The following RNF24 variants were observed in gnomAD, a reference collection of about 807,000 sequenced individuals.
RNF24 encodes ring finger protein 24.
Under a neutral mutation model 20.0 loss-of-function variants are expected in RNF24, and 14 were observed. That is an observed-to-expected ratio of 0.70 (90% CI 0.46 to 1.10). The LOEUF (loss-of-function observed/expected upper bound fraction) is 1.10, where lower values mean the gene tolerates loss of function less well. Ranked by LOEUF, RNF24 falls within the 50% of genes least tolerant of loss-of-function variation. RNF24 has a pLI of 0.00. For synonymous variants in RNF24, 45 were observed against 61.1 expected (o/e 0.74, Z 1.23); for missense variants, 124 against 177.6 (o/e 0.70, Z 1.71).
chr20:3,958,795 C>T (rs1008473590), intron 2 of RNF24, among the ~76,000 whole-genome samples: 4 of 152,322 alleles, frequency 2.6e-5, no homozygotes, highest in African/African-American at 9.6e-5. Context: ...GCATGTGACA[C>T]CACGCCTGGT....
chr20:3,977,374 C>T (rs2147017598), intron 1 of RNF24, among the ~76,000 whole-genome samples: 1 of 151,996 alleles, frequency 6.6e-6, no homozygotes, highest in Non-Finnish European at 1.5e-5. Flanking sequence ...TGTAGGGAGC[C>T]ACAAACAGTA....
At chr20:3,994,428 G>GT (rs1160212417) in intron 1 of RNF24, among the ~76,000 whole-genome samples, 1 of 152,198 alleles carries the variant, frequency 6.6e-6, no homozygotes, top group Admixed American at 6.5e-5. Flanking sequence ...ATACAACTCT[G>GT]TTTAATGGAG....
chr20:3,961,919 T>G (rs956075316), intron 2 of RNF24, among the ~76,000 whole-genome samples: 2 of 152,198 alleles, frequency 1.3e-5, no homozygotes, highest in Non-Finnish European at 2.9e-5. Flanking sequence ...TACATAATGT[T>G]TATCAAACTA....
chr20:3,977,062 T>A (rs1282799301), intron 1 of RNF24, among the ~76,000 whole-genome samples: 1 of 152,124 alleles, frequency 6.6e-6, no homozygotes, highest in African/African-American at 2.4e-5. Flanking sequence ...AGAACTGTGA[T>A]ATTAGAACTG....
chr20:3,993,295 T>TA (rs1348054421), intron 1 of RNF24, among the ~76,000 whole-genome samples: 1 of 146,534 alleles, frequency 6.8e-6, no homozygotes, highest in African/African-American at 2.5e-5. Context: ...AACTCACATC[T>TA]TTTTTTTTTT....
Position 4,015,493 on chromosome 20 carries a change from CGGCA to C in RNF24, c.-68_-65del, listed in dbSNP as rs1982828576. The C allele has an allele frequency of 6.6e-6, 1 of 150,936 alleles. No homozygotes were observed. The highest frequency in any genetic ancestry group is 1.5e-5 in the Non-Finnish European group (1 of 67,650). 9.3% of individuals were successfully genotyped at this position (150,936 alleles called of 1,614,324 possible). On this transcript the variant is annotated 5_prime_UTR_variant, in exon 1 of 6. Transcript: ENST00000358395. ...GGGACCGTCAGCGCCCTGCGGCGGGCGGCAGGCTGCGGGCGGCGAGCGTCCGTCC... is the reference window on the plus strand; with the variant it reads ...GGGACCGTCAGCGCCCTGCGGCGGGCGGCTGCGGGCGGCGAGCGTCCGTCC...
intron 1 of RNF24, among the ~76,000 whole-genome samples, chr20:3,998,344 G>A (rs572702772): frequency 3.0e-4 from 46 of 152,116 alleles, no homozygotes; most frequent in African/African-American, 1.1e-3. Context: ...GGAGGCCAAG[G>A]TGGGTGGATC....
chr20:3,978,252 G>A (rs547114127), intron 1 of RNF24, among the ~76,000 whole-genome samples: 14 of 151,786 alleles, frequency 9.2e-5, no homozygotes, highest in African/African-American at 2.4e-4. Context: ...TGGCCAGGCC[G>A]GTCTTGAAGT....
intron 1 of RNF24, among the ~76,000 whole-genome samples, chr20:4,012,726 A>T (rs1393051093): frequency 6.6e-6 from 1 of 152,234 alleles, no homozygotes; most frequent in Non-Finnish European, 1.5e-5. Context: ...AAATACTTTG[A>T]TTAACAGAAT....
chr20:4,008,432 A>G (rs1372928296), intron 1 of RNF24, among the ~76,000 whole-genome samples: 1 of 14,000 alleles, frequency 7.1e-5, no homozygotes, highest in Non-Finnish European at 1.9e-4. Flanking sequence ...TATATAATAT[A>G]TAATATGTAT....
intron 1 of RNF24, among the ~76,000 whole-genome samples, chr20:4,010,004 T>G (rs1382620186): frequency 6.6e-6 from 1 of 150,682 alleles, no homozygotes; most frequent in Non-Finnish European, 1.5e-5. Context: ...TGAGCCGAGA[T>G]CACGCCACTG....
At chr20:3,983,952 A>C (rs974019359) in intron 1 of RNF24, among the ~76,000 whole-genome samples, 5 of 151,142 alleles carry the variant, frequency 3.3e-5, no homozygotes, top group African/African-American at 9.7e-5. Flanking sequence ...AAAAAAAAAA[A>C]AAAAAAAAAA....
At chr20:4,002,323 T>A (rs1156398210) in intron 1 of RNF24, among the ~76,000 whole-genome samples, 1 of 151,726 alleles carries the variant, frequency 6.6e-6, no homozygotes, top group Non-Finnish European at 1.5e-5. Flanking sequence ...GAGGCGGAGC[T>A]TGCAGTGAGC....
chr20:3,998,931 T>C (rs902876327), intron 1 of RNF24, among the ~76,000 whole-genome samples: 5 of 150,478 alleles, frequency 3.3e-5, no homozygotes, highest in Admixed American at 6.7e-5. Context: ...AATACAAAAA[T>C]TAGCCGGGCG....
chr20:3,989,619 A>G (rs994435516), intron 1 of RNF24, among the ~76,000 whole-genome samples: 2 of 152,222 alleles, frequency 1.3e-5, no homozygotes, highest in African/African-American at 4.8e-5. Context: ...CCTTCTGCAC[A>G]CATGTATGAC....
At chr20:3,935,703 A>C (rs2090882397) in intron 4 of RNF24, among the ~76,000 whole-genome samples, 1 of 152,190 alleles carries the variant, frequency 6.6e-6, no homozygotes, top group African/African-American at 2.4e-5. Flanking sequence ...GCTTGGAGAG[A>C]GGCCTTTGCC....
intron 4 of RNF24, among the ~76,000 whole-genome samples, chr20:3,942,725 G>A (rs567454347): frequency 2.0e-5 from 3 of 151,784 alleles, no homozygotes; most frequent in Admixed American, 2.0e-4. Flanking sequence ...CGCCTGCCTC[G>A]GCCTCCCAAA....
chr20:3,958,877 G>T (rs6139256), intron 2 of RNF24, among the ~76,000 whole-genome samples: 1 of 152,148 alleles, frequency 6.6e-6, no homozygotes, highest in Non-Finnish European at 1.5e-5. Flanking sequence ...CCTAACCTCA[G>T]GTGATCCACC....
intron 4 of RNF24, among the ~76,000 whole-genome samples, chr20:3,941,046 C>T (rs953130792): frequency 6.6e-6 from 1 of 152,200 alleles, no homozygotes; most frequent in South Asian, 2.1e-4. Flanking sequence ...TTTTTTGAGA[C>T]CAGGCCTCAC....
Sources: allele counts gnomAD v4.1 joint callset (sites outside exome capture counted in the v4.1 genomes callset), GRCh38; gene constraint gnomAD v4.1.1; transcripts MANE v1.5; gene names NCBI Gene and HGNC (gene_info 2026-07-23, HGNC 2026-07-21).